C8orf34: variants seen among roughly 807,000 people sequenced by gnomAD.
C8orf34 encodes the protein uncharacterized protein C8orf34.
A neutral mutation model predicts 68.3 loss-of-function variants in C8orf34; 65 were observed. That is an observed-to-expected ratio of 0.95 (90% CI 0.78 to 1.17). C8orf34 has a LOEUF of 1.17. C8orf34 is among the 50% of genes most tolerant of loss of function. The pLI, the probability that C8orf34 is intolerant of heterozygous loss-of-function variation, is 0.00. For missense variants in C8orf34, 664 were observed against 655.4 expected (o/e 1.01, Z -0.14); for synonymous variants, 244 against 241.2 (o/e 1.01, Z -0.11).
chr8:68,743,653 C>T (rs1329144785), intron 10 of C8orf34, among the ~76,000 whole-genome samples: 2 of 152,224 alleles, frequency 1.3e-5, no homozygotes, highest in African/African-American at 4.8e-5. Context: ...GTCACTCCCA[C>T]CCGAATACTG....
At chr8:68,657,112 C>A (rs2130797276) in intron 8 of C8orf34, among the ~76,000 whole-genome samples, 1 of 152,242 alleles carries the variant, frequency 6.6e-6, no homozygotes, top group South Asian at 2.1e-4. Flanking sequence ...GGTTTCCTTT[C>A]TGAAATGAAC....
At chr8:68,398,517 A>G (rs2129621162) in intron 1 of C8orf34, among the ~76,000 whole-genome samples, 1 of 152,250 alleles carries the variant, frequency 6.6e-6, no homozygotes, top group South Asian at 2.1e-4. Context: ...TTGGTGTGGT[A>G]AAAAAACACA....
intron 5 of C8orf34, among the ~76,000 whole-genome samples, chr8:68,509,176 G>T (rs1164316540): frequency 6.6e-6 from 1 of 152,170 alleles, no homozygotes; most frequent in African/African-American, 2.4e-5. Flanking sequence ...GCACTGTGTT[G>T]GGGGAAAATG....
At chr8:68,482,916 C>T (rs1056566310) in intron 4 of C8orf34, among the ~76,000 whole-genome samples, 1 of 152,024 alleles carries the variant, frequency 6.6e-6, no homozygotes, top group Non-Finnish European at 1.5e-5. Flanking sequence ...TTTTATTTCA[C>T]AGTTGAAAAA....
At chr8:68,494,724 C>T (rs1321114672) in intron 5 of C8orf34, among the ~76,000 whole-genome samples, 23 of 151,632 alleles carry the variant, frequency 1.5e-4, no homozygotes, top group Non-Finnish European at 2.4e-4. Flanking sequence ...GGCATGGTGG[C>T]GGGCACTTGT....
At chr8:68,505,680 G>A (rs967144662) in intron 5 of C8orf34, among the ~76,000 whole-genome samples, 2 of 139,666 alleles carry the variant, frequency 1.4e-5, no homozygotes, top group Middle Eastern at 3.6e-3. Flanking sequence ...GCCGTGAGCC[G>A]AGATTGCGCC....
At chr8:68,492,978 C>G (rs757602390) in intron 5 of C8orf34, among the ~76,000 whole-genome samples, 31 of 152,206 alleles carry the variant, frequency 2.0e-4, no homozygotes, top group Non-Finnish European at 4.1e-4. Context: ...TAGTTACCTT[C>G]TCTGTAAAAT....
At chr8:68,714,039 T>C (rs1821400303) in intron 9 of C8orf34, among the ~76,000 whole-genome samples, 1 of 151,908 alleles carries the variant, frequency 6.6e-6, no homozygotes, top group Non-Finnish European at 1.5e-5. Context: ...AAAAACAAAT[T>C]CACATAATCA....
chr8:68,683,782 G>C (rs879686634), intron 8 of C8orf34, among the ~76,000 whole-genome samples: 28 of 152,024 alleles, frequency 1.8e-4, no homozygotes, highest in African/African-American at 6.5e-4. Context: ...TGGAATACCT[G>C]GCCTTTAGAG....
At chr8:68,387,215 T>C (rs1214851219) in intron 1 of C8orf34, among the ~76,000 whole-genome samples, 1 of 152,108 alleles carries the variant, frequency 6.6e-6, no homozygotes, top group African/African-American at 2.4e-5. Flanking sequence ...GTACTAACTT[T>C]GTTAGGCAAG....
chr8:68,719,811 GTTAT>G (rs1298930408), intron 9 of C8orf34, among the ~76,000 whole-genome samples: 1 of 151,816 alleles, frequency 6.6e-6, no homozygotes, highest in African/African-American at 2.4e-5. Flanking sequence ...ACATTTTAAT[GTTAT>G]TTATTTATTA....
intron 1 of C8orf34, among the ~76,000 whole-genome samples, chr8:68,377,859 G>A (rs1057047794): frequency 5.3e-5 from 8 of 152,178 alleles, no homozygotes; most frequent in Non-Finnish European, 1.0e-4. Context: ...TTACAATCAC[G>A]GTGGAAGGCA....
At chr8:68,576,783 A>G (rs750709905) in intron 7 of C8orf34, among the ~76,000 whole-genome samples, 2 of 152,002 alleles carry the variant, frequency 1.3e-5, no homozygotes, top group Admixed American at 6.6e-5. Flanking sequence ...ATATATAACC[A>G]TAACTTTTTC....
chr8:68,702,366 C>T (rs1427445426), intron 8 of C8orf34, among the ~76,000 whole-genome samples: 1 of 152,124 alleles, frequency 6.6e-6, no homozygotes, highest in East Asian at 1.9e-4. Context: ...TGAATGAAAA[C>T]TTTCAAAGCT....
At chr8:68,371,266 A>G (rs1445851751) in intron 1 of C8orf34, among the ~76,000 whole-genome samples, 3 of 152,210 alleles carry the variant, frequency 2.0e-5, no homozygotes, top group Non-Finnish European at 2.9e-5. Context: ...TTTCATTGTA[A>G]TGGTACAATC....
chr8:68,557,004 C>T (rs1008306132), intron 7 of C8orf34, among the ~76,000 whole-genome samples: 1 of 152,128 alleles, frequency 6.6e-6, no homozygotes, highest in African/African-American at 2.4e-5. Context: ...AGTCTACTTA[C>T]AGACCATCAT....
intron 11 of C8orf34, among the ~76,000 whole-genome samples, chr8:68,783,436 T>A (rs1823747605): frequency 6.9e-6 from 1 of 145,052 alleles, no homozygotes; most frequent in Admixed American, 7.2e-5. Flanking sequence ...GAGAATTGCT[T>A]GAACCTGGGA....
chr8:68,360,008 G>A (rs952189994), intron 1 of C8orf34, among the ~76,000 whole-genome samples: 2 of 152,016 alleles, frequency 1.3e-5, no homozygotes, highest in African/African-American at 4.8e-5. Context: ...GATCTTATAG[G>A]TACCCAAAAC....
chr8:68,557,279 C>T (rs945012598), intron 7 of C8orf34, among the ~76,000 whole-genome samples: 1 of 152,090 alleles, frequency 6.6e-6, no homozygotes, highest in African/African-American at 2.4e-5. Context: ...ACTGAAAAAT[C>T]CATTAACCTT....
Sources: allele counts gnomAD v4.1 joint callset (sites outside exome capture counted in the v4.1 genomes callset), GRCh38; gene constraint gnomAD v4.1.1; transcripts MANE v1.5; gene names NCBI Gene and HGNC (gene_info 2026-07-23, HGNC 2026-07-21).